The following ASB3 variants were observed in gnomAD, a reference collection of about 807,000 sequenced individuals.
ASB3 encodes ankyrin repeat and SOCS box protein 3.
ASB3 carries 41 observed loss-of-function variants against 54.5 expected under a neutral mutation model. That is an observed-to-expected ratio of 0.75 (90% confidence interval 0.59 to 0.98). ASB3 has a LOEUF of 0.98. Ranked by LOEUF, ASB3 falls within the 50% of genes least tolerant of loss-of-function variation. The pLI is 0.00. For synonymous variants in ASB3, 266 were observed against 221.2 expected (o/e 1.20, Z -1.80); for missense variants, 733 against 620.0 (o/e 1.18, Z -1.94).
intron 1 of ASB3, chr2:53,768,308 G>A: frequency 5.6e-6 from 2 of 358,858 alleles, no homozygotes; most frequent in Non-Finnish European, 5.1e-6. Flanking sequence ...TGCGGAGATG[G>A]GGACTCCATC....
At position 53,751,342 on chromosome 2, in the gene ASB3, C is replaced by T. The variant is rs138042003; in HGVS notation, c.197-401G>A. Reference sequence around the variant, plus strand: ...TTTAAATTTCTATAAGGGAAATGGTCTGATCTCTTACCATTACTTCCTTGT... The same window carrying T: ...TTTAAATTTCTATAAGGGAAATGGTTTGATCTCTTACCATTACTTCCTTGT... On this transcript the variant is annotated intron_variant, in intron 2 of 9. Coordinates refer to ENST00000263634, the MANE Select transcript of ASB3 (RefSeq NM_016115.5). Among the ~76,000 whole-genome samples the T allele has an allele frequency of 9.3e-3, 1,411 of 152,242 alleles. 25 individuals are homozygous for T. The highest frequency in any genetic ancestry group is 0.032 in the African/African-American group (1,338 of 41,550).
intron 1 of ASB3, among the ~76,000 whole-genome samples, chr2:53,777,944 C>T (rs534742285): frequency 5.9e-5 from 9 of 152,046 alleles, no homozygotes; most frequent in African/African-American, 9.6e-5. Context: ...GTCAGGAGTT[C>T]GAGACCTGCC....
intron 2 of ASB3, among the ~76,000 whole-genome samples, chr2:53,758,659 G>A (rs569650628): frequency 2.0e-5 from 3 of 152,184 alleles, no homozygotes; most frequent in African/African-American, 7.2e-5. Context: ...AAGGGGTGCA[G>A]GACTGCTACA....
At chr2:53,710,774 T>C (rs189281439) in intron 7 of ASB3, among the ~76,000 whole-genome samples, 336 of 152,282 alleles carry the variant, frequency 2.2e-3, no homozygotes, top group Middle Eastern at 3.4e-3. Flanking sequence ...CTTGGACCCA[T>C]GAATGTGCCA....
intron 1 of ASB3, among the ~76,000 whole-genome samples, chr2:53,769,657 A>G (rs1274156604): frequency 6.6e-6 from 1 of 152,074 alleles, no homozygotes; most frequent in Non-Finnish European, 1.5e-5. Context: ...CACCAGCCTG[A>G]CCAACATGGA....
At chr2:53,709,201 C>T (rs866050916) in intron 7 of ASB3, among the ~76,000 whole-genome samples, 9 of 152,340 alleles carry the variant, frequency 5.9e-5, no homozygotes, top group South Asian at 4.1e-4. Flanking sequence ...TCCTCCACAG[C>T]CTTGGGACAC....
chr2:53,772,113 A>G (rs1414889881), intron 1 of ASB3, among the ~76,000 whole-genome samples: 1 of 152,092 alleles, frequency 6.6e-6, no homozygotes, highest in Non-Finnish European at 1.5e-5. Flanking sequence ...GGCCAATAAG[A>G]AAAGTTAGAA....
At chr2:53,715,637 G>T (rs1351028184) in intron 6 of ASB3, among the ~76,000 whole-genome samples, 1 of 152,068 alleles carries the variant, frequency 6.6e-6, no homozygotes, top group East Asian at 1.9e-4. Flanking sequence ...TAAGTATTTT[G>T]TTAAAATAGT....
chr2:53,767,946 G>A (rs1242665837), intron 1 of ASB3: 3 of 1,614,162 alleles, frequency 1.9e-6, no homozygotes, highest in East Asian at 2.2e-5. Flanking sequence ...ATCAGGACAA[G>A]CTGGTCGGAT....
At chr2:53,706,734 T>A (rs879454622) in intron 7 of ASB3, among the ~76,000 whole-genome samples, 1 of 152,162 alleles carries the variant, frequency 6.6e-6, no homozygotes, top group Admixed American at 6.5e-5. Flanking sequence ...CATGAGCCAC[T>A]GCACCCAGCC....
At chr2:53,780,298 C>T (rs1291823643) in intron 1 of ASB3, among the ~76,000 whole-genome samples, 2 of 152,116 alleles carry the variant, frequency 1.3e-5, no homozygotes, top group African/African-American at 4.8e-5. Flanking sequence ...ATGCTCCAAT[C>T]ACACCACCCT....
At chr2:53,770,695 T>C (rs937413901) in intron 1 of ASB3, among the ~76,000 whole-genome samples, 1 of 152,052 alleles carries the variant, frequency 6.6e-6, no homozygotes, top group Admixed American at 6.6e-5. Flanking sequence ...CAACCTCAAG[T>C]TGAATAGTAA....
intron 9 of ASB3, among the ~76,000 whole-genome samples, chr2:53,678,421 C>G (rs1012575912): frequency 6.6e-6 from 1 of 152,208 alleles, no homozygotes; most frequent in African/African-American, 2.4e-5. Context: ...TTCACTTGTG[C>G]TTGCACTTTT....
chr2:53,682,602 G>A (rs1668434180), intron 9 of ASB3, among the ~76,000 whole-genome samples: 1 of 151,980 alleles, frequency 6.6e-6, no homozygotes, highest in African/African-American at 2.4e-5. Flanking sequence ...TCAACCTCTT[G>A]AGTAGCTGGG....
chr2:53,722,898 C>T (rs949374855), intron 5 of ASB3, among the ~76,000 whole-genome samples: 3 of 152,118 alleles, frequency 2.0e-5, no homozygotes, highest in Non-Finnish European at 4.4e-5. Context: ...AGAAGTCAAA[C>T]AATCTCTCTT....
In ASB3 at chr2:53,765,387, T is replaced by A. The variant is rs761799856; in HGVS notation, c.186A>T (p.Leu62Phe). ...YHNSVECLQM[L>F]INADSSENYI... ...TTGAATTTACTTTACCTGCATTAAT[T>A]AACATTTGCAAACATTCTACAGAGT... is the stretch of plus-strand genomic sequence containing the variant. The change falls in exon 2 of 10, where the codon TTA becomes TTT. Residue 62 changes from leucine to phenylalanine, a missense_variant. Coordinates refer to ENST00000263634, the MANE Select transcript of ASB3 (RefSeq NM_016115.5). 1.3e-5 allele frequency: 21 copies of A among 1,614,092 alleles called. No individual in the cohort carries two copies. The highest frequency in any genetic ancestry group is 1.7e-5 in the Non-Finnish European group (20 of 1,180,032).
intron 9 of ASB3, among the ~76,000 whole-genome samples, chr2:53,680,556 T>A (rs1668316189): frequency 6.6e-6 from 1 of 152,204 alleles, no homozygotes; most frequent in Admixed American, 6.5e-5. Flanking sequence ...TAAAACAGAA[T>A]TTATTTTTAT....
At chr2:53,728,152 T>C (rs1671112129) in intron 5 of ASB3, among the ~76,000 whole-genome samples, 1 of 152,148 alleles carries the variant, frequency 6.6e-6, no homozygotes, top group African/African-American at 2.4e-5. Context: ...AAATAAACAT[T>C]TCTGGTCACA....
chr2:53,713,868 G>GATA (rs1670240297), intron 7 of ASB3, among the ~76,000 whole-genome samples: 1 of 151,798 alleles, frequency 6.6e-6, no homozygotes, highest in South Asian at 2.1e-4. Context: ...AGTCAAGATG[G>GATA]TGCCACTGCA....
Sources: gnomAD v4.1 joint callset for allele counts (sites outside exome capture counted in the v4.1 genomes callset) on GRCh38, gnomAD v4.1.1 for gene constraint, MANE v1.5 for transcripts, NCBI Gene and HGNC (gene_info 2026-07-23, HGNC 2026-07-21) for gene names.